The following TAFA2 variants were observed in gnomAD, a reference collection of about 807,000 sequenced individuals.
TAFA2 encodes TAFA chemokine like family member 2.
A neutral mutation model predicts 18.8 loss-of-function variants in TAFA2; 7 were observed. The observed-to-expected ratio is 0.37, with a 90% CI of 0.21 to 0.70. TAFA2 has a LOEUF of 0.70. Ranked by LOEUF, TAFA2 falls within the 30% of genes least tolerant of loss-of-function variation. TAFA2 has a pLI of 0.53. For synonymous variants in TAFA2, 60 were observed against 54.2 expected (o/e 1.11, Z -0.47); for missense variants, 122 against 158.1 (o/e 0.77, Z 1.23).
intron 1 of TAFA2, chr12:62,235,478 G>A: frequency 1.6e-6 from 1 of 606,472 alleles, no homozygotes; most frequent in Non-Finnish European, 3.1e-6. Context: ...CAGCTTCCCA[G>A]CTTCCTGCTC....
chr12:61,938,470 G>A (rs1355060348), intron 1 of TAFA2, among the ~76,000 whole-genome samples: 4 of 152,086 alleles, frequency 2.6e-5, no homozygotes, highest in Admixed American at 6.6e-5. Context: ...GCCTACTTGA[G>A]GGTGGAGAAT....
chr12:61,943,045 GC>G (rs1463576855), intron 1 of TAFA2, among the ~76,000 whole-genome samples: 3 of 12,382 alleles, frequency 2.4e-4, no homozygotes, highest in Admixed American at 8.8e-4. Context: ...GTTAAGGGCA[GC>G]CAGAGAGAAA....
chr12:62,112,437 A>G (rs1435133176), intron 1 of TAFA2, among the ~76,000 whole-genome samples: 2 of 151,716 alleles, frequency 1.3e-5, no homozygotes, highest in Admixed American at 1.3e-4. Context: ...CTTCATTTCA[A>G]CCTTGGTTAA....
chr12:62,007,662 G>A (rs565827831), intron 1 of TAFA2, among the ~76,000 whole-genome samples: 7 of 152,114 alleles, frequency 4.6e-5, no homozygotes, highest in South Asian at 2.1e-4. Flanking sequence ...TCTTTTGATT[G>A]CTAGTACTAC....
At chr12:61,866,497 C>T (rs973120744) in intron 2 of TAFA2, among the ~76,000 whole-genome samples, 1 of 152,080 alleles carries the variant, frequency 6.6e-6, no homozygotes, top group Non-Finnish European at 1.5e-5. Context: ...ACAGAAAAAT[C>T]TAAATTGATT....
chr12:62,177,918 T>G (rs1374837202), intron 1 of TAFA2, among the ~76,000 whole-genome samples: 2 of 152,216 alleles, frequency 1.3e-5, no homozygotes, highest in Non-Finnish European at 2.9e-5. Context: ...GTAGCTGGTG[T>G]CACTGGCTTC....
At chr12:61,907,904 C>T (rs1000704456) in intron 1 of TAFA2, among the ~76,000 whole-genome samples, 2 of 152,154 alleles carry the variant, frequency 1.3e-5, no homozygotes, top group Admixed American at 1.3e-4. Flanking sequence ...GAATTTTGGG[C>T]TTGCATGAGG....
chr12:62,257,278 A>G (rs1329937180), intron 1 of TAFA2, among the ~76,000 whole-genome samples: 3 of 151,752 alleles, frequency 2.0e-5, no homozygotes, highest in African/African-American at 7.3e-5. Flanking sequence ...AAAATTATGA[A>G]ATAGGCAAAA....
chr12:61,857,890 A>G (rs12823193), intron 2 of TAFA2, among the ~76,000 whole-genome samples: 44,209 of 151,808 alleles, frequency 0.29, 7,020 homozygotes, highest in South Asian at 0.4. Flanking sequence ...GACCCAGGGG[A>G]AAAAAAAGAG....
intron 1 of TAFA2, among the ~76,000 whole-genome samples, chr12:62,014,311 A>T (rs1732365): frequency 0.76 from 115,149 of 152,130 alleles, 43,825 homozygotes; most frequent in African/African-American, 0.78. Flanking sequence ...ATTTATTTTG[A>T]GTTTGTGAGC....
rs1449007936 is a variant in TAFA2 at position 62,235,178 on chromosome 12, G to A, written c.-130+23585C>T. On this transcript the variant is annotated intron_variant, in intron 1 of 5. Transcript: ENST00000551619. ...GCTGAGGGGGAGACACTCCCTGACAGTAAATCATCCGGAAAGGAGTGGGAG... is the reference window on the plus strand; with the variant it reads ...GCTGAGGGGGAGACACTCCCTGACAATAAATCATCCGGAAAGGAGTGGGAG... The A allele has an allele frequency of 1.9e-4, 126 of 667,678 alleles. 1 individual carries two copies. The Admixed American group carries it at 2.3e-3, about 12-fold the overall frequency. 41.4% of individuals were successfully genotyped at this position (667,678 alleles called of 1,614,324 possible). A position where few individuals can be genotyped will look rare whatever the true frequency, so the allele number is the denominator to read the frequency against.
At chr12:61,760,644 A>G (rs1159191231) in intron 2 of TAFA2, among the ~76,000 whole-genome samples, 1 of 151,816 alleles carries the variant, frequency 6.6e-6, no homozygotes, top group Non-Finnish European at 1.5e-5. Flanking sequence ...TTTCTTTAAA[A>G]GGTTAATGAG....
At chr12:61,947,224 G>A (rs974908519) in intron 1 of TAFA2, among the ~76,000 whole-genome samples, 78 of 146,758 alleles carry the variant, frequency 5.3e-4, no homozygotes, top group Non-Finnish European at 4.3e-4. Flanking sequence ...ACCAAACACC[G>A]CATATTCTCA....
chr12:61,823,854 C>A (rs1245126247), intron 2 of TAFA2, among the ~76,000 whole-genome samples: 1 of 152,242 alleles, frequency 6.6e-6, no homozygotes, highest in Non-Finnish European at 1.5e-5. Context: ...CAAATAGGAA[C>A]CACACACCAA....
At chr12:61,836,732 G>GATATATATTTATATATATATATAT (rs58543429) in intron 2 of TAFA2, among the ~76,000 whole-genome samples, 1 of 112,788 alleles carries the variant, frequency 8.9e-6, no homozygotes, top group Non-Finnish European at 1.9e-5. Context: ...TTGCCAATTT[G>GATATATATTTATATATATATATAT]ATATATATAT....
In TAFA2 at chr12:61,766,688, A is replaced by G. The variant is rs563023389; in HGVS notation, c.107-11664T>C. ...CTTGAGACACAGTTTGAGAGCCAAA[A>G]TAGAAAATTAAAATAATTGAAGAAC... On this transcript the variant is annotated intron_variant, in intron 2 of 4. Transcript: ENST00000416284. Among the ~76,000 whole-genome samples the G allele has an allele frequency of 2.0e-5, 3 of 152,280 alleles. No homozygotes were observed. In the East Asian group the frequency reaches 5.8e-4, roughly 29 times the overall value.
chr12:61,757,964 C>T (rs1490260521), intron 2 of TAFA2, among the ~76,000 whole-genome samples: 1 of 151,906 alleles, frequency 6.6e-6, no homozygotes, highest in Admixed American at 6.6e-5. Flanking sequence ...GCATGGGCAG[C>T]TGAGTTTTTC....
intron 4 of TAFA2, among the ~76,000 whole-genome samples, chr12:61,715,208 A>G (rs535586679): frequency 1.1e-4 from 16 of 152,316 alleles, no homozygotes; most frequent in African/African-American, 2.2e-4. Context: ...TCTGTTGCTT[A>G]TAGTGATTCA....
chr12:62,154,684 A>G (rs2062356209), intron 1 of TAFA2, among the ~76,000 whole-genome samples: 1 of 152,222 alleles, frequency 6.6e-6, no homozygotes, highest in African/African-American at 2.4e-5. Flanking sequence ...GTATCATGAA[A>G]AAGACCTTTA....
Sources: allele counts gnomAD v4.1 joint callset (sites outside exome capture counted in the v4.1 genomes callset), GRCh38; gene constraint gnomAD v4.1.1; transcripts MANE v1.5; gene names NCBI Gene and HGNC (gene_info 2026-07-23, HGNC 2026-07-21).